The following LMNTD1 variants were observed in gnomAD, a reference collection of about 807,000 sequenced individuals.
The protein encoded by LMNTD1 is lamin tail domain containing 1.
Under a neutral mutation model 50.9 loss-of-function variants are expected in LMNTD1, and 35 were observed. The observed-to-expected ratio is 0.69, with a 90% CI of 0.53 to 0.91. The LOEUF is 0.91. Ranked by LOEUF, LMNTD1 falls within the 40% of genes least tolerant of loss-of-function variation. The pLI, the probability that LMNTD1 is intolerant of heterozygous loss-of-function variation, is 0.00. For missense variants in LMNTD1, 470 were observed against 475.5 expected (o/e 0.99, Z 0.11); for synonymous variants, 153 against 161.9 (o/e 0.94, Z 0.42).
At chr12:25,523,135 G>T (rs895688054) in intron 6 of LMNTD1, among the ~76,000 whole-genome samples, 2 of 152,088 alleles carry the variant, frequency 1.3e-5, no homozygotes, top group African/African-American at 4.8e-5. Context: ...CCAGGTTCAA[G>T]CAATTCTCCT....
At chr12:25,620,379 T>A (rs1405661232) in intron 1 of LMNTD1, among the ~76,000 whole-genome samples, 1 of 152,094 alleles carries the variant, frequency 6.6e-6, no homozygotes, top group African/African-American at 2.4e-5. Context: ...TTATAAAATA[T>A]ACTTTTAAAA....
intron 1 of LMNTD1, among the ~76,000 whole-genome samples, chr12:25,605,299 G>A (rs1319725204): frequency 6.6e-6 from 1 of 152,134 alleles, no homozygotes; most frequent in African/African-American, 2.4e-5. Context: ...TAGGTTGCCT[G>A]TTCACTCTGA....
At chr12:25,562,540 C>A (rs11048112) in intron 1 of LMNTD1, among the ~76,000 whole-genome samples, 2 of 152,114 alleles carry the variant, frequency 1.3e-5, no homozygotes, top group Admixed American at 6.5e-5. Flanking sequence ...TGTGGGTAAC[C>A]TGACCTTTCT....
chr12:25,511,443 G>A (rs764301615), intron 8 of LMNTD1, among the ~76,000 whole-genome samples: 2 of 152,150 alleles, frequency 1.3e-5, no homozygotes, highest in Non-Finnish European at 2.9e-5. Flanking sequence ...GAAAGACAAT[G>A]ATGAGTTGTT....
chr12:25,558,466 T>C (rs1944132063), intron 1 of LMNTD1, among the ~76,000 whole-genome samples: 1 of 152,222 alleles, frequency 6.6e-6, no homozygotes, highest in Non-Finnish European at 1.5e-5. Context: ...TTGGTATATG[T>C]GTTTCCATTA....
At chr12:25,597,038 C>T (rs1018472637) in intron 1 of LMNTD1, among the ~76,000 whole-genome samples, 4 of 151,718 alleles carry the variant, frequency 2.6e-5, no homozygotes, top group African/African-American at 9.7e-5. Context: ...TCATGATACT[C>T]TCAAAACAAA....
At chr12:25,560,068 T>C (rs1944233028) in intron 1 of LMNTD1, among the ~76,000 whole-genome samples, 1 of 152,366 alleles carries the variant, frequency 6.6e-6, no homozygotes, top group South Asian at 2.1e-4. Flanking sequence ...TTGTCAATTT[T>C]GGCTTTTGTT....
At position 25,527,003 on chromosome 12, in the gene LMNTD1, T is replaced by C. The variant is rs771554534; in HGVS notation, c.492-48A>G. The C allele has an allele frequency of 8.3e-6, 11 of 1,320,486 alleles. No homozygotes were observed. In the South Asian group the frequency reaches 1.6e-4, roughly 19 times the overall value. The allele number at this position is 1,320,486 out of a possible 1,614,324, so 81.8% of individuals were successfully genotyped here. A position where few individuals can be genotyped will look rare whatever the true frequency, so the allele number is the denominator to read the frequency against. On this transcript the variant is annotated intron_variant, in intron 4 of 9. Transcript: ENST00000458174. ...TGTAAGCTGCCTTCAGATAGGAGTG[T>C]CTTTGACTCACTTTAAGAAGTGATT...
chr12:25,645,717 G>T (rs1310330923), intron 1 of LMNTD1, among the ~76,000 whole-genome samples: 1 of 152,346 alleles, frequency 6.6e-6, no homozygotes, highest in African/African-American at 2.4e-5. Context: ...TGTAGCAGCT[G>T]TATGTGTTTC....
At chr12:25,582,673 T>C (rs1470348513) in intron 1 of LMNTD1, among the ~76,000 whole-genome samples, 2 of 152,222 alleles carry the variant, frequency 1.3e-5, no homozygotes, top group Admixed American at 1.3e-4. Context: ...GTCAATACTC[T>C]ATAAGCAGAG....
intron 1 of LMNTD1, among the ~76,000 whole-genome samples, chr12:25,604,595 A>T (rs995834112): frequency 6.6e-6 from 1 of 151,274 alleles, no homozygotes; most frequent in East Asian, 2.0e-4. Context: ...GAGAACATGC[A>T]GTGTTTGGTT....
chr12:25,555,100 C>T (rs966551808), upstream of LMNTD1, among the ~76,000 whole-genome samples: 4 of 151,490 alleles, frequency 2.6e-5, no homozygotes, highest in Non-Finnish European at 5.9e-5. Context: ...TTATATGAAC[C>T]TAAAGCCTAG....
In LMNTD1 at chr12:25,519,586, T is replaced by TAAAAAAAAAA. The variant is rs781742784; in HGVS notation, c.1016+271_1016+272insTTTTTTTTTT. ...CTGGGTGACAGAGCGAGACTCTGTCTCAAAAAAAAAAAAAAAAAAAAAGTG... is the reference window on the plus strand; with the variant it reads ...CTGGGTGACAGAGCGAGACTCTGTCTAAAAAAAAAACAAAAAAAAAAAAAAAAAAAAAGTG... On this transcript the variant is annotated intron_variant, in intron 7 of 9. Coordinates refer to ENST00000458174, the MANE Select transcript of LMNTD1 (RefSeq NM_001145728.2). Among the ~76,000 whole-genome samples the TAAAAAAAAAA allele has an allele frequency of 2.1e-3, 158 of 74,930 alleles. 36 individuals are homozygous for TAAAAAAAAAA. The East Asian group carries it at 0.034, about 16-fold the overall frequency. The allele number at this position is 74,930 out of a possible 152,430, so 49.2% of individuals were successfully genotyped here.
At chr12:25,491,149 G>T (rs1938870451) in intron 9 of LMNTD1, among the ~76,000 whole-genome samples, 1 of 152,206 alleles carries the variant, frequency 6.6e-6, no homozygotes, top group African/African-American at 2.4e-5. Flanking sequence ...CCACATAGGT[G>T]CTTGATCATT....
chr12:25,515,893 G>C (rs542584220), intron 8 of LMNTD1, among the ~76,000 whole-genome samples: 243 of 152,200 alleles, frequency 1.6e-3, no homozygotes, highest in African/African-American at 5.6e-3. Flanking sequence ...AGGGTAAATG[G>C]AGCAGGATTA....
intron 1 of LMNTD1, among the ~76,000 whole-genome samples, chr12:25,597,427 AT>A (rs1478616876): frequency 3.3e-5 from 5 of 152,136 alleles, no homozygotes; most frequent in Non-Finnish European, 7.4e-5. Context: ...CTATATAATG[AT>A]AAAGCTGTCA....
intron 1 of LMNTD1, among the ~76,000 whole-genome samples, chr12:25,610,257 G>T (rs559313724): frequency 7.8e-4 from 119 of 152,266 alleles, no homozygotes; most frequent in African/African-American, 2.6e-3. Flanking sequence ...GCTTCCCTTG[G>T]CTAGGAAAGG....
chr12:25,495,139 G>A (rs148966509), intron 9 of LMNTD1, among the ~76,000 whole-genome samples: 1 of 152,026 alleles, frequency 6.6e-6, no homozygotes, highest in African/African-American at 2.4e-5. Context: ...TGAGAATTTG[G>A]ATTTCTCTTC....
At chr12:25,624,533 A>G (rs752985963) in intron 1 of LMNTD1, among the ~76,000 whole-genome samples, 1 of 152,238 alleles carries the variant, frequency 6.6e-6, no homozygotes, top group Non-Finnish European at 1.5e-5. Flanking sequence ...AACAGCCCAC[A>G]TCACCCATTT....
Sources: allele counts gnomAD v4.1 joint callset (sites outside exome capture counted in the v4.1 genomes callset), GRCh38; gene constraint gnomAD v4.1.1; transcripts MANE v1.5; gene names NCBI Gene and HGNC (gene_info 2026-07-23, HGNC 2026-07-21).